MYO3A: variants seen among roughly 807,000 people sequenced by gnomAD.
MYO3A encodes the protein myosin IIIA.
A neutral mutation model predicts 192.7 loss-of-function variants in MYO3A; 180 were observed. That is an observed-to-expected ratio of 0.93 (90% confidence interval 0.83 to 1.06). MYO3A has a LOEUF of 1.06. Ranked by LOEUF, MYO3A falls within the 50% of genes least tolerant of loss-of-function variation. The probability of loss-of-function intolerance (pLI) is 0.00; values close to 1 mark genes in which losing one functional copy is unlikely to be tolerated. For missense variants in MYO3A, 1,896 were observed against 1,905.0 expected, an observed-to-expected ratio of 1.00 and a Z score of 0.09; for synonymous variants, 628 against 645.3, an observed-to-expected ratio of 0.97 and a Z score of 0.41.
At chr10:26,021,910 G>A (rs558231524) in intron 8 of MYO3A, 11 of 466,000 alleles carry the variant, frequency 2.4e-5, no homozygotes, top group South Asian at 2.2e-4. Flanking sequence ...GAAAATAGCA[G>A]TTCCTCCCAC....
rs573869920 is a variant in MYO3A, at chr10:26,197,949, G to A, written c.4546-3316G>A. On this transcript the variant is annotated intron_variant, in intron 32 of 34. Coordinates refer to ENST00000642920, the MANE Select transcript of MYO3A (RefSeq NM_017433.5). ...TCTAAACTAGAAGCTCTATGGAGGC[G>A]AGGCCTATGCTCGCTGTTACAGCCA... 1.3e-4 allele frequency among the ~76,000 whole-genome samples: 20 copies of A among 152,264 alleles called. No homozygotes were observed. The South Asian group carries it at 3.7e-3, about 28-fold the overall frequency.
At chr10:26,091,609 G>A (rs906545196) in intron 15 of MYO3A, among the ~76,000 whole-genome samples, 1 of 152,192 alleles carries the variant, frequency 6.6e-6, no homozygotes, top group Non-Finnish European at 1.5e-5. Context: ...CCTCTCCATT[G>A]TGGAGAAAGG....
chr10:26,012,135 C>T (rs1841701048), intron 6 of MYO3A, among the ~76,000 whole-genome samples: 1 of 152,138 alleles, frequency 6.6e-6, no homozygotes, highest in African/African-American at 2.4e-5. Flanking sequence ...AAACACACAG[C>T]CACCATCATA....
chr10:26,075,806 G>GAT (rs753774047), intron 14 of MYO3A, among the ~76,000 whole-genome samples: 2 of 143,570 alleles, frequency 1.4e-5, no homozygotes, highest in Non-Finnish European at 1.5e-5. Context: ...TCATATATAT[G>GAT]ATATATATAT....
At chr10:26,081,925 C>T (rs1050299341) in intron 14 of MYO3A, among the ~76,000 whole-genome samples, 2 of 152,184 alleles carry the variant, frequency 1.3e-5, no homozygotes, top group African/African-American at 4.8e-5. Context: ...TGGAGGGTCT[C>T]CCGGGTCCTG....
chr10:26,034,926 C>CGT lies in MYO3A; in HGVS notation c.953+8412_953+8413dup, dbSNP rs146134022. ...GTTTTTGTGTTTTTTTTACATGAAG[C>CGT]GTGTGTGTGTGTGTGTGTGCGCACA... On this transcript the variant is annotated intron_variant, in intron 10 of 34. Transcript: ENST00000642920. 7.6e-3 allele frequency among the ~76,000 whole-genome samples: 1,120 copies of CGT among 147,722 alleles called. 8 individuals carry two copies. The highest frequency in any genetic ancestry group is 0.019 in the African/African-American group (779 of 40,278).
At chr10:26,110,085 G>A (rs942493520) in intron 17 of MYO3A, among the ~76,000 whole-genome samples, 1 of 152,146 alleles carries the variant, frequency 6.6e-6, no homozygotes, top group African/African-American at 2.4e-5. Flanking sequence ...CACTTTACTC[G>A]CAAAAAGTCG....
intron 9 of MYO3A, 91 bp from the exon 10 acceptor site, chr10:26,026,286 C>G: frequency 2.1e-6 from 3 of 1,454,226 alleles, no homozygotes; most frequent in East Asian, 2.4e-5. Flanking sequence ...GAGCATCACT[C>G]TCGTGTGTTA....
At chr10:26,061,722 C>T (rs953473501) in intron 10 of MYO3A, among the ~76,000 whole-genome samples, 1 of 152,148 alleles carries the variant, frequency 6.6e-6, no homozygotes, top group Non-Finnish European at 1.5e-5. Context: ...ATACCAAAAA[C>T]ATCATAGAAG....
intron 17 of MYO3A, among the ~76,000 whole-genome samples, chr10:26,115,973 T>C (rs1337053693): frequency 6.6e-6 from 1 of 152,224 alleles, no homozygotes; most frequent in Admixed American, 6.5e-5. Flanking sequence ...AGACTAATTG[T>C]CAGATGCTTT....
intron 6 of MYO3A, among the ~76,000 whole-genome samples, chr10:26,002,061 T>C (rs1482333387): frequency 6.6e-6 from 1 of 152,170 alleles, no homozygotes; most frequent in African/African-American, 2.4e-5. Flanking sequence ...AAAGGACTTA[T>C]GGATTTATTG....
At chr10:26,059,999 C>T (rs989229508) in intron 10 of MYO3A, among the ~76,000 whole-genome samples, 7 of 151,952 alleles carry the variant, frequency 4.6e-5, no homozygotes, top group Admixed American at 1.3e-4. Context: ...GGCTCACGCC[C>T]GTAATCCCAG....
chr10:26,091,158 A>G lies in MYO3A; in HGVS notation c.1562+2753A>G, dbSNP rs532591712. On this transcript the variant is annotated intron_variant, in intron 15 of 34. Transcript: ENST00000642920. ...CAGAGCAAGACAAAGAAGAGTGTAGAATGATTTGAGGAGCAGGGAAGAATT... is the reference window on the plus strand; with the variant it reads ...CAGAGCAAGACAAAGAAGAGTGTAGGATGATTTGAGGAGCAGGGAAGAATT... 2.1e-3 allele frequency among the ~76,000 whole-genome samples: 323 copies of G among 152,316 alleles called. 1 individual carries two copies. The highest frequency in any genetic ancestry group is 7.4e-3 in the Admixed American group (113 of 15,310).
intron 31 of MYO3A, among the ~76,000 whole-genome samples, chr10:26,178,940 T>A (rs1292487720): frequency 6.6e-6 from 1 of 151,682 alleles, no homozygotes; most frequent in Non-Finnish European, 1.5e-5. Context: ...TAGCTGGGGC[T>A]CCAGGCGCCA....
chr10:25,974,891 AG>A (rs1838880185), intron 4 of MYO3A, among the ~76,000 whole-genome samples: 1 of 152,242 alleles, frequency 6.6e-6, no homozygotes, highest in Admixed American at 6.5e-5. Flanking sequence ...TTATGAGGCC[AG>A]CATTATACTG....
intron 2 of MYO3A, among the ~76,000 whole-genome samples, chr10:25,938,297 G>A (rs772725744): frequency 6.6e-6 from 1 of 152,160 alleles, no homozygotes; most frequent in Non-Finnish European, 1.5e-5. Flanking sequence ...GGGCAGAAAA[G>A]GGTTTAACAA....
chr10:26,193,998 C>T (rs1466155283), intron 32 of MYO3A, among the ~76,000 whole-genome samples: 1 of 152,290 alleles, frequency 6.6e-6, no homozygotes, highest in East Asian at 1.9e-4. Flanking sequence ...GTCTCATAAA[C>T]CAAGAACCTG....
At chr10:26,149,395 C>T (rs1840660124) in intron 23 of MYO3A, among the ~76,000 whole-genome samples, 1 of 151,826 alleles carries the variant, frequency 6.6e-6, no homozygotes, top group African/African-American at 2.4e-5. Flanking sequence ...CCACCACGCC[C>T]AACTAATTTT....
intron 34 of MYO3A, among the ~76,000 whole-genome samples, chr10:26,205,467 T>TC (rs1443231802): frequency 7.0e-6 from 1 of 142,972 alleles, no homozygotes; most frequent in Non-Finnish European, 1.5e-5. Flanking sequence ...GCTTGTCTTT[T>TC]TTTTTTTTTT....
Sources: gnomAD v4.1 joint callset for allele counts (sites outside exome capture counted in the v4.1 genomes callset) on GRCh38, gnomAD v4.1.1 for gene constraint, MANE v1.5 for transcripts, NCBI Gene and HGNC (gene_info 2026-07-23, HGNC 2026-07-21) for gene names.